Variants in DRC11L observed in about 807,000 individuals in gnomAD.
DRC11L encodes dynein regulatory complex subunit 11 like, also known as dynein regulatory complex subunit like-11.
chr7:151,197,075 C>T, the DRC11L span: 1 of 399,830 alleles, frequency 2.5e-6, no homozygotes, highest in Middle Eastern at 6.3e-4. Flanking sequence ...CATTCTTTGA[C>T]CTTGACTTCC....
the DRC11L span, among the ~76,000 whole-genome samples, chr7:151,202,419 C>G: frequency 1.3e-5 from 2 of 152,202 alleles, no homozygotes; most frequent in Non-Finnish European, 2.9e-5. Context: ...TCTTTCTTCT[C>G]TAATTTTAAT....
At chr7:151,203,038 G>T in the DRC11L span, 2 of 399,504 alleles carry the variant, frequency 5.0e-6, no homozygotes, top group African/African-American at 2.1e-5. Context: ...GCCTTGCCTC[G>T]CCCGCTCTGC....
chr7:151,195,035 G>A, the DRC11L span, among the ~76,000 whole-genome samples: 1 of 152,182 alleles, frequency 6.6e-6, no homozygotes, highest in Non-Finnish European at 1.5e-5. Flanking sequence ...CTCTTTACCA[G>A]ACAAGTCAGC....
At chr7:151,198,523 G>C in the DRC11L span, among the ~76,000 whole-genome samples, 1 of 152,134 alleles carries the variant, frequency 6.6e-6, no homozygotes, top group Non-Finnish European at 1.5e-5. Flanking sequence ...ATCACTCAGG[G>C]GGCATCCATG....
At chr7:151,192,336 G>A in the DRC11L span, 2 of 399,082 alleles carry the variant, frequency 5.0e-6, no homozygotes, top group Non-Finnish European at 8.8e-6. Flanking sequence ...ACCCGGCACA[G>A]ACCCCGCATC....
chr7:151,205,036 T>C, the DRC11L span, among the ~76,000 whole-genome samples: 2 of 152,056 alleles, frequency 1.3e-5, no homozygotes, highest in Non-Finnish European at 2.9e-5. Context: ...GAGTGTGGGA[T>C]TGGGCTCCGC....
the DRC11L span, among the ~76,000 whole-genome samples, chr7:151,200,208 T>A: frequency 6.6e-6 from 1 of 152,160 alleles, no homozygotes; most frequent in Non-Finnish European, 1.5e-5. Flanking sequence ...TGTGAAGGGA[T>A]ATGGCCAGGG....
the DRC11L span, chr7:151,193,144 C>T: frequency 5.0e-6 from 2 of 397,748 alleles, no homozygotes; most frequent in Non-Finnish European, 8.8e-6. Context: ...GGAACCCAAG[C>T]TCCTAGCCCG....
the DRC11L span, among the ~76,000 whole-genome samples, chr7:151,194,801 G>A: frequency 6.6e-6 from 1 of 152,218 alleles, no homozygotes; most frequent in Non-Finnish European, 1.5e-5. Flanking sequence ...CACTGTCCCA[G>A]GAGGCAAGCC....
the DRC11L span, chr7:151,192,575 G>A: frequency 2.5e-6 from 1 of 398,278 alleles, no homozygotes; most frequent in Non-Finnish European, 4.4e-6. Context: ...GGGATGAGGA[G>A]GCTGCCCATC....
the DRC11L span, chr7:151,194,287 C>T: frequency 2.5e-6 from 1 of 399,226 alleles, no homozygotes; most frequent in Non-Finnish European, 4.4e-6. Context: ...AAGCCACATT[C>T]TGTCGTATGT....
At chr7:151,191,612 C>T in the DRC11L span, 4 of 399,090 alleles carry the variant, frequency 1.0e-5, no homozygotes, top group Non-Finnish European at 1.8e-5. Context: ...GCTGCTTACC[C>T]ACAGCCCCTG....
chr7:151,200,301 G>C, the DRC11L span: 1 of 399,128 alleles, frequency 2.5e-6, no homozygotes, highest in Non-Finnish European at 4.4e-6. Context: ...TGTGGGGCTG[G>C]AAGAAGACTG....
chr7:151,195,434 C>G, the DRC11L span: 1 of 399,260 alleles, frequency 2.5e-6, no homozygotes, highest in Non-Finnish European at 4.4e-6. Context: ...TGCTACCTGT[C>G]TGAGGTCAGA....
the DRC11L span, chr7:151,195,549 T>G: frequency 2.5e-6 from 1 of 399,940 alleles, no homozygotes. Context: ...TGCCCTCCCC[T>G]GCCCAGCCCC....
the DRC11L span, chr7:151,197,405 G>T: frequency 2.5e-6 from 1 of 398,912 alleles, no homozygotes; most frequent in South Asian, 1.3e-4. Context: ...TTACAGAAGA[G>T]AGCTGGCGAT....
chr7:151,200,309 C>T, the DRC11L span: 2 of 399,152 alleles, frequency 5.0e-6, no homozygotes, highest in South Asian at 1.3e-4. Context: ...TGGAAGAAGA[C>T]TGCTCTGGGT....
the DRC11L span, among the ~76,000 whole-genome samples, chr7:151,193,919 A>T: frequency 6.6e-6 from 1 of 151,990 alleles, no homozygotes; most frequent in Non-Finnish European, 1.5e-5. Context: ...AAAAAAAAAA[A>T]AAAGGAAGGC....
the DRC11L span, chr7:151,203,244 G>A: frequency 7.5e-6 from 3 of 398,118 alleles, no homozygotes; most frequent in Admixed American, 4.4e-5. Flanking sequence ...TGGCGTTGGA[G>A]GGTTACCATC....
Sources: gnomAD v4.1 joint callset for allele counts (sites outside exome capture counted in the v4.1 genomes callset) on GRCh38, gnomAD v4.1.1 for gene constraint, MANE v1.5 for transcripts, NCBI Gene and HGNC (gene_info 2026-07-23, HGNC 2026-07-21) for gene names.